The following QRFP variants were observed in gnomAD, a reference collection of about 807,000 sequenced individuals.
QRFP encodes orexigenic neuropeptide QRFP.
Under a neutral mutation model 9.1 loss-of-function variants are expected in QRFP, and 7 were observed. The observed-to-expected ratio is 0.77, with a 90% CI of 0.44 to 1.45. QRFP has a LOEUF of 1.45. Ranked by LOEUF, QRFP falls within the 40% of genes most tolerant of loss-of-function variation. QRFP has a pLI of 0.01. For missense variants in QRFP, 204 were observed against 185.4 expected, an observed-to-expected ratio of 1.10 and a Z score of -0.58; for synonymous variants, 91 against 80.2, an observed-to-expected ratio of 1.13 and a Z score of -0.72.
chr9:130,893,501 C>G lies in QRFP; in HGVS notation c.338G>C (p.Gly113Ala). The change falls in exon 3 of 3, where the codon GGG (glycine) becomes GCG (alanine). Residue 113 changes from glycine (G) to alanine (A), a missense_variant. By Grantham distance (60) the Gly-to-Ala change is moderately conservative. Coordinates refer to ENST00000623824, the MANE Select transcript of QRFP (RefSeq NM_198180.3). ...GCCATTGAGCTCCTCAGCCAGGTTCCCTAACGGGCCGCTGGTCTTCTCCCC... is the reference window on the plus strand; with the variant it reads ...GCCATTGAGCTCCTCAGCCAGGTTCGCTAACGGGCCGCTGGTCTTCTCCCC... ...AAGEKTSGPL[G>A]NLAEELNGYS... is the part of the protein sequence containing the mutation. 2 of 1,611,170 alleles carry G rather than the reference C, an allele frequency of 1.2e-6. No individual in the cohort carries two copies. Among genetic ancestry groups the G allele is most frequent in the Non-Finnish European group, 1.7e-6 (2 of 1,178,502 alleles).
chr9:130,894,700 A>G (rs1368525052), intron 2 of QRFP, among the ~76,000 whole-genome samples: 1 of 152,062 alleles, frequency 6.6e-6, no homozygotes, highest in Non-Finnish European at 1.5e-5. Context: ...CCCAGATCTC[A>G]TGGCCTTATC....
chr9:130,896,659 C>T lies in QRFP; in HGVS notation c.-368G>A, dbSNP rs547908133. 5.9e-5 allele frequency: 9 copies of T among 152,370 alleles called. No homozygotes were observed. Among genetic ancestry groups the T allele is most frequent in the African/African-American group, 2.2e-4 (9 of 41,574 alleles). 9.4% of individuals were successfully genotyped at this position (152,370 alleles called of 1,614,324 possible). On this transcript the variant is annotated 5_prime_UTR_variant, in exon 1 of 3. In the 5' UTR this introduces an upstream ATG that the reference lacks. Transcript: ENST00000623824. ...CTTCCCCAGAGACCTGAGGAAGGCA[C>T]TGGAATCTCGATCCTCCACTTCGGG...
intron 2 of QRFP, among the ~76,000 whole-genome samples, chr9:130,895,168 G>T (rs536286656): frequency 1.3e-5 from 2 of 152,304 alleles, no homozygotes; most frequent in South Asian, 2.1e-4. Context: ...CCATCAGGGC[G>T]CAGGCAGAGT....
intron 2 of QRFP, 69 bp from the exon 3 acceptor site, chr9:130,893,907 T>G: frequency 7.0e-7 from 1 of 1,422,168 alleles, no homozygotes; most frequent in Non-Finnish European, 9.4e-7. Context: ...ACCAAAATGT[T>G]TCCCCGGGAC....
At position 130,892,926 on chromosome 9, in the gene QRFP, A is replaced by G. The variant is rs968918818; in HGVS notation, c.*502T>C. On this transcript the variant is annotated 3_prime_UTR_variant, in exon 3 of 3. Transcript: ENST00000623824. ...TTCTTGCCAGGGGGATCTTGTGCTC[A>G]TGGCATGGAGAAGGGGATCGGGTTC... 3.3e-5 allele frequency: 5 copies of G among 152,396 alleles called. No individual in the cohort carries two copies. The highest frequency in any genetic ancestry group is 9.6e-5 in the African/African-American group (4 of 41,470). The allele number at this position is 152,396 out of a possible 1,614,324, so 9.4% of individuals were successfully genotyped here.
chr9:130,896,529 G>A (rs1400281861), intron 1 of QRFP, 48 bp downstream of exon 1: 1 of 152,232 alleles, frequency 6.6e-6, no homozygotes, highest in Admixed American at 6.5e-5. Context: ...CAGGAACTGA[G>A]CACAGAGGGC....
Position 130,896,692 on chromosome 9 carries a change from G to A in QRFP, c.-401C>T, listed in dbSNP as rs1323057916. Reference sequence around the variant, plus strand: ...TCGATCCTCCACTTCGGGGCTGAGCGCCCAGGTTCGGGCGGAGGGTCTGCG... The same window carrying A: ...TCGATCCTCCACTTCGGGGCTGAGCACCCAGGTTCGGGCGGAGGGTCTGCG... On this transcript the variant is annotated 5_prime_UTR_variant, in exon 1 of 3. Transcript: ENST00000623824. The A allele has an allele frequency of 2.0e-5, 3 of 152,264 alleles. No homozygotes were observed. Among genetic ancestry groups the A allele is most frequent in the African/African-American group, 4.8e-5 (2 of 41,460 alleles). The allele number at this position is 152,264 out of a possible 1,614,324, so 9.4% of individuals were successfully genotyped here.
At chr9:130,895,190 C>A (rs536519315) in intron 2 of QRFP, among the ~76,000 whole-genome samples, 3 of 152,152 alleles carry the variant, frequency 2.0e-5, no homozygotes, top group Admixed American at 1.3e-4. Context: ...GGGGCTTCCA[C>A]GAGGTGACTT....
At position 130,893,693 on chromosome 9, in the gene QRFP, G is replaced by T. The variant is rs1294220068; in HGVS notation, c.146C>A (p.Pro49His). ...CCGAGAGGAACCCCACACGGAGTGG[G>T]GTCGGGGCCCCATGGCCAGGTCGGC... The part of the protein sequence containing the change: ...RWADLAMGPR[P>H]HSVWGSSRWL... The change falls in exon 3 of 3, where the codon CCC becomes CAC. Residue 49 changes from proline (P) to histidine (H), a missense_variant. Coordinates refer to ENST00000623824, the MANE Select transcript of QRFP (RefSeq NM_198180.3). 1 of 1,609,788 alleles carries T rather than the reference G, an allele frequency of 6.2e-7. No homozygotes were observed. The highest frequency in any genetic ancestry group is 8.5e-7 in the Non-Finnish European group (1 of 1,178,114).
At position 130,893,303 on chromosome 9, in the gene QRFP, A is replaced by G. The variant is rs1228327686; in HGVS notation, c.*125T>C. ...ACACACCTAACCTGTCCTACCATGGATCGTTCATCGTAACCAAGCCTACAT... is the reference window on the plus strand; with the variant it reads ...ACACACCTAACCTGTCCTACCATGGGTCGTTCATCGTAACCAAGCCTACAT... On this transcript the variant is annotated 3_prime_UTR_variant, in exon 3 of 3. Coordinates refer to ENST00000623824, the MANE Select transcript of QRFP (RefSeq NM_198180.3). The G allele has an allele frequency of 7.4e-6, 8 of 1,075,244 alleles. No individual in the cohort carries two copies. The highest frequency in any genetic ancestry group is 1.1e-5 in the Non-Finnish European group (8 of 745,692). 66.6% of individuals were successfully genotyped at this position (1,075,244 alleles called of 1,614,324 possible).
Position 130,893,531 on chromosome 9 carries a change from G to A in QRFP, c.308C>T (p.Ala103Val). Residue 103 changes from alanine to valine, a missense_variant, in exon 3 of 3, where the codon GCT becomes GTT. Transcript: ENST00000623824. ...EGSEATGFLP[A>V]AGEKTSGPLG... is the part of the protein sequence containing the mutation. ...CGGGCCGCTGGTCTTCTCCCCCGCA[G>A]CAGGGAGGAAGCCGGTGGCCTCACT... 1 of 1,612,610 alleles carries A rather than the reference G, an allele frequency of 6.2e-7. No homozygotes were observed.
chr9:130,894,669 C>CA (rs1237053279), intron 2 of QRFP, among the ~76,000 whole-genome samples: 2 of 152,146 alleles, frequency 1.3e-5, no homozygotes, highest in East Asian at 3.9e-4. Context: ...GTGTCGGTCT[C>CA]AAACAGCTGA....
chr9:130,893,985 G>T, intron 2 of QRFP, 147 bp from the exon 3 acceptor site: 1 of 654,582 alleles, frequency 1.5e-6, no homozygotes, highest in Non-Finnish European at 2.3e-6. Flanking sequence ...CTGGGACTAG[G>T]CCACTGTTTT....
In QRFP at chr9:130,893,323, C is replaced by CTA; in HGVS notation, c.*103_*104dup. The CTA allele has an allele frequency of 8.2e-7, 1 of 1,225,484 alleles. No individual in the cohort carries two copies. The highest frequency in any genetic ancestry group is 1.1e-6 in the Non-Finnish European group (1 of 875,368). 75.9% of individuals were successfully genotyped at this position (1,225,484 alleles called of 1,614,324 possible). On this transcript the variant is annotated 3_prime_UTR_variant, in exon 3 of 3. Transcript: ENST00000623824. ...CATGGATCGTTCATCGTAACCAAGC[C>CTA]TACATCATCTGGGTGTCGTGGTCTT... is the stretch of plus-strand genomic sequence containing the variant.
At chr9:130,894,823 T>G (rs1831735225) in intron 2 of QRFP, among the ~76,000 whole-genome samples, 2 of 152,080 alleles carry the variant, frequency 1.3e-5, no homozygotes, top group Non-Finnish European at 1.5e-5. Context: ...AAACCCAGCC[T>G]CCTGTAATGA....
Position 130,893,148 on chromosome 9 carries a change from G to A in QRFP, c.*280C>T. 3.2e-6 allele frequency: 1 copy of A among 311,324 alleles called. No homozygotes were observed. The allele number at this position is 311,324 out of a possible 1,614,324, so 19.3% of individuals were successfully genotyped here. A position where few individuals can be genotyped will look rare whatever the true frequency, so the allele number is the denominator to read the frequency against. On this transcript the variant is annotated 3_prime_UTR_variant, in exon 3 of 3. Transcript: ENST00000623824. ...CACAGCCTCAGCTCCGTGCCCCTGGGGCCAGGGGGCTGCTCGGAGTCAAAG... is the reference window on the plus strand; with the variant it reads ...CACAGCCTCAGCTCCGTGCCCCTGGAGCCAGGGGGCTGCTCGGAGTCAAAG...
Position 130,895,925 on chromosome 9 carries a change from G to A in QRFP, c.-229C>T, listed in dbSNP as rs1191152396. On this transcript the variant is annotated 5_prime_UTR_variant, in exon 2 of 3. The change creates a new upstream start codon in the 5' untranslated region. Transcript: ENST00000623824. ...GTTGAAGAGGGGCAGTGCTGACCGC[G>A]TTGATAAAAACAACCTCACACAGGA... 5 of 152,300 alleles carry A rather than the reference G, an allele frequency of 3.3e-5. No individual in the cohort carries two copies. The highest frequency in any genetic ancestry group is 9.6e-5 in the African/African-American group (4 of 41,454). 9.4% of individuals were successfully genotyped at this position (152,300 alleles called of 1,614,324 possible).
At chr9:130,894,835 C>T (rs7865017) in intron 2 of QRFP, among the ~76,000 whole-genome samples, 26,945 of 152,080 alleles carry the variant, frequency 0.18, 4,431 homozygotes, top group African/African-American at 0.44. Flanking sequence ...CTGTAATGAA[C>T]CTGCCTTGGT....
In QRFP at chr9:130,896,616, A is replaced by G. The variant is rs1339091082; in HGVS notation, c.-325T>C. 1 of 152,240 alleles carries G rather than the reference A, an allele frequency of 6.6e-6. No homozygotes were observed. The highest frequency in any genetic ancestry group is 6.5e-5 in the Admixed American group (1 of 15,288). The allele number at this position is 152,240 out of a possible 1,614,324, so 9.4% of individuals were successfully genotyped here. On this transcript the variant is annotated 5_prime_UTR_variant, in exon 1 of 3. Transcript: ENST00000623824. Reference sequence around the variant, plus strand: ...TGCTGGGGGATCAGAAGTCATGGGAATAGAGAGCCTGTGGACACTTCCCCA... The same window carrying G: ...TGCTGGGGGATCAGAAGTCATGGGAGTAGAGAGCCTGTGGACACTTCCCCA...
Sources: allele counts gnomAD v4.1 joint callset (sites outside exome capture counted in the v4.1 genomes callset), GRCh38; gene constraint gnomAD v4.1.1; transcripts MANE v1.5; gene names NCBI Gene and HGNC (gene_info 2026-07-23, HGNC 2026-07-21).